DOCK2: variants seen among roughly 807,000 people sequenced by gnomAD.
DOCK2 encodes the protein dedicator of cytokinesis 2.
Under a neutral mutation model 248.9 loss-of-function variants are expected in DOCK2, and 87 were observed. That is an observed-to-expected ratio of 0.35 (90% confidence interval 0.29 to 0.42). The LOEUF (loss-of-function observed/expected upper bound fraction) is 0.42. Ranked by LOEUF, DOCK2 falls within the 10% of genes least tolerant of loss-of-function variation. DOCK2 has a pLI of 1.00. For synonymous variants in DOCK2, 805 were observed against 821.6 expected (o/e 0.98, Z 0.35); for missense variants, 1,747 against 2,300.2 (o/e 0.76, Z 4.92).
intron 22 of DOCK2, among the ~76,000 whole-genome samples, chr5:169,743,554 A>T (rs932517398): frequency 2.6e-5 from 4 of 152,200 alleles, no homozygotes; most frequent in African/African-American, 9.6e-5. Context: ...TAATTATCTC[A>T]TGTTTTTCAC....
chr5:169,997,941 T>C (rs892431625), intron 30 of DOCK2: 7 of 456,236 alleles, frequency 1.5e-5, no homozygotes, highest in Non-Finnish European at 3.1e-5. Flanking sequence ...GAGTCATCTG[T>C]AAAATGCAAC....
intron 1 of DOCK2, 90 bp downstream of exon 1, chr5:169,637,459 G>C (rs1270832613): frequency 1.6e-6 from 2 of 1,268,406 alleles, no homozygotes; most frequent in Non-Finnish European, 2.0e-6. Context: ...GCGGCGCGGG[G>C]TGGGCAGGGC....
At chr5:169,785,649 C>T (rs1765945733) in intron 25 of DOCK2, among the ~76,000 whole-genome samples, 1 of 151,974 alleles carries the variant, frequency 6.6e-6, no homozygotes, top group Non-Finnish European at 1.5e-5. Flanking sequence ...AATTTGTTTC[C>T]CTGCTCCCTA....
At chr5:169,875,109 T>C (rs1772239362) in intron 27 of DOCK2, 1 of 429,124 alleles carries the variant, frequency 2.3e-6, no homozygotes, top group Non-Finnish European at 4.7e-6. Flanking sequence ...AAGCAAGTAT[T>C]TTTTATTCAT....
intron 23 of DOCK2, among the ~76,000 whole-genome samples, chr5:169,758,381 G>T (rs1475564194): frequency 1.3e-5 from 2 of 152,176 alleles, no homozygotes; most frequent in Admixed American, 6.5e-5. Context: ...GGGACCCAGA[G>T]GAGGATGCGA....
At chr5:169,823,470 G>A (rs903587942) in intron 26 of DOCK2, among the ~76,000 whole-genome samples, 2 of 152,174 alleles carry the variant, frequency 1.3e-5, no homozygotes, top group African/African-American at 4.8e-5. Context: ...TTCAATATAC[G>A]CAAGTCAATA....
chr5:169,988,156 A>G (rs1342529840), intron 29 of DOCK2, among the ~76,000 whole-genome samples: 1 of 152,222 alleles, frequency 6.6e-6, no homozygotes, highest in Non-Finnish European at 1.5e-5. Flanking sequence ...TTCTGCTTGC[A>G]GGCACATAGC....
intron 48 of DOCK2, among the ~76,000 whole-genome samples, chr5:170,078,768 T>C (rs1428323842): frequency 1.6e-4 from 25 of 152,244 alleles, no homozygotes; most frequent in Admixed American, 1.6e-3. Flanking sequence ...ACGAATAAAA[T>C]AAAGTGAACT....
At chr5:169,893,176 T>C (rs1210231593) in intron 27 of DOCK2, among the ~76,000 whole-genome samples, 1 of 152,242 alleles carries the variant, frequency 6.6e-6, no homozygotes, top group Non-Finnish European at 1.5e-5. Context: ...TTTGCAAGCC[T>C]CAGGGCACCT....
At chr5:169,823,971 C>T (rs1385522568) in intron 26 of DOCK2, among the ~76,000 whole-genome samples, 2 of 152,142 alleles carry the variant, frequency 1.3e-5, no homozygotes, top group African/African-American at 4.8e-5. Flanking sequence ...TTCTTATACT[C>T]CAATAACAGA....
chr5:169,991,531 C>T (rs1186442910), intron 29 of DOCK2, among the ~76,000 whole-genome samples: 1 of 152,244 alleles, frequency 6.6e-6, no homozygotes, highest in African/African-American at 2.4e-5. Context: ...TACTTCTGTC[C>T]AGGCTTGGGT....
chr5:169,669,439 C>G, intron 3 of DOCK2, 111 bp downstream of exon 3: 1 of 1,205,900 alleles, frequency 8.3e-7, no homozygotes, highest in Non-Finnish European at 1.2e-6. Context: ...GGGAATCCAT[C>G]TCTCCCTCCT....
intron 26 of DOCK2, among the ~76,000 whole-genome samples, chr5:169,821,983 AACAG>A (rs1768479775): frequency 1.3e-5 from 2 of 152,246 alleles, no homozygotes; most frequent in South Asian, 4.1e-4. Context: ...TCTCTGATAA[AACAG>A]ACTTTAAGCC....
intron 29 of DOCK2, among the ~76,000 whole-genome samples, chr5:169,994,178 G>A (rs1778278271): frequency 6.6e-6 from 1 of 152,184 alleles, no homozygotes; most frequent in Non-Finnish European, 1.5e-5. Flanking sequence ...ATAGATCATA[G>A]AGCTGGAGTG....
intron 27 of DOCK2, among the ~76,000 whole-genome samples, chr5:169,932,490 G>A (rs998395790): frequency 6.6e-6 from 1 of 152,222 alleles, no homozygotes; most frequent in Non-Finnish European, 1.5e-5. Context: ...GATGGAACAT[G>A]CTTCTGGGTG....
At chr5:169,686,040 C>T (rs991735795) in intron 8 of DOCK2, among the ~76,000 whole-genome samples, 2 of 152,160 alleles carry the variant, frequency 1.3e-5, no homozygotes, top group African/African-American at 4.8e-5. Flanking sequence ...AAGAGTCAGC[C>T]CAATTCACCT....
intron 8 of DOCK2, among the ~76,000 whole-genome samples, chr5:169,688,600 C>CA (rs1180846794): frequency 6.6e-6 from 1 of 152,162 alleles, no homozygotes; most frequent in Non-Finnish European, 1.5e-5. Context: ...TTCCTTTGAG[C>CA]ATCATGTTGA....
chr5:169,870,299 A>G (rs949019057), intron 27 of DOCK2, among the ~76,000 whole-genome samples: 15 of 152,180 alleles, frequency 9.9e-5, no homozygotes, highest in African/African-American at 3.4e-4. Context: ...TGCTCGCTGA[A>G]AAGCAGAAAG....
intron 27 of DOCK2, among the ~76,000 whole-genome samples, chr5:169,905,546 G>GC (rs982919990): frequency 1.3e-5 from 2 of 152,134 alleles, no homozygotes; most frequent in African/African-American, 4.8e-5. Flanking sequence ...ATAATTTAAT[G>GC]CCCCCACCTC....
Sources: gnomAD v4.1 joint callset for allele counts (sites outside exome capture counted in the v4.1 genomes callset) on GRCh38, gnomAD v4.1.1 for gene constraint, MANE v1.5 for transcripts, NCBI Gene and HGNC (gene_info 2026-07-23, HGNC 2026-07-21) for gene names.